The following CNTFR variants were observed in gnomAD, a reference collection of about 807,000 sequenced individuals.
CNTFR encodes ciliary neurotrophic factor receptor, also known as ciliary neurotrophic factor receptor subunit alpha.
Under a neutral mutation model 40.4 loss-of-function variants are expected in CNTFR, and 12 were observed. The ratio of observed to expected loss-of-function variants is 0.30; its 90% CI spans 0.19 to 0.48. CNTFR has a LOEUF of 0.48. CNTFR is among the 20% of genes least tolerant of loss of function. The pLI, the probability that CNTFR is intolerant of heterozygous loss-of-function variation, is 0.99. For missense variants in CNTFR, 414 were observed against 506.8 expected, an observed-to-expected ratio of 0.82 and a Z score of 1.76; for synonymous variants, 202 against 209.6, an observed-to-expected ratio of 0.96 and a Z score of 0.31.
In CNTFR at chr9:34,576,985, C is replaced by A. The variant is rs187122259; in HGVS notation, c.-1+4110G>T. 7.9e-4 allele frequency among the ~76,000 whole-genome samples: 120 copies of A among 152,344 alleles called. 1 individual carries two copies. Among genetic ancestry groups the A allele is most frequent in the Admixed American group, 2.9e-3 (45 of 15,304 alleles). On this transcript the variant is annotated intron_variant, in intron 2 of 9. Coordinates refer to ENST00000378980, the MANE Select transcript of CNTFR (RefSeq NM_147164.3). ...ACCTCCACTCCAGCCCCCCAGCCCCCACCAAAGCCCTGGCATCACTGTCAG... is the reference window on the plus strand; with the variant it reads ...ACCTCCACTCCAGCCCCCCAGCCCCAACCAAAGCCCTGGCATCACTGTCAG...
rs768546763 is a variant in CNTFR at position 34,552,794 on chromosome 9, T to C, written c.829A>G (p.Ile277Val). ...ITDAYAGKEYIIQVAAKDNEI... is the reference protein window; with the variant it reads ...ITDAYAGKEYVIQVAAKDNEI... ...TTGTCCTTGGCTGCCACCTGGATAA[T>C]GTACTCCTTCCCGGCGTAGGCATCT... is the stretch of plus-strand genomic sequence containing the variant. The change falls in exon 8 of 10, where the codon ATT becomes GTT. Residue 277 changes from isoleucine (I) to valine (V), a missense_variant. By Grantham distance (29) the Ile-to-Val change is conservative. Around this residue, in one of 3 missense-constraint regions of CNTFR, gnomAD observed 83 missense variants for 145.0 expected, o/e 0.57. Coordinates refer to ENST00000378980, the MANE Select transcript of CNTFR (RefSeq NM_147164.3). This position sits in a 1 kb window ranked among gnomAD's most constrained non-coding sequence, Gnocchi z 5.1. The C allele has an allele frequency of 2.5e-6, 4 of 1,613,682 alleles. No individual in the cohort carries two copies. The highest frequency in any genetic ancestry group is 2.7e-5 in the African/African-American group (2 of 74,924).
chr9:34,552,993 G>A lies in CNTFR; in HGVS notation c.769-139C>T. 2 of 723,542 alleles carry A rather than the reference G, an allele frequency of 2.8e-6. No homozygotes were observed. The highest frequency in any genetic ancestry group is 4.6e-6 in the Non-Finnish European group (2 of 437,800). 44.8% of individuals were successfully genotyped at this position (723,542 alleles called of 1,614,324 possible). A position where few individuals can be genotyped will look rare whatever the true frequency, so the allele number is the denominator to read the frequency against. On this transcript the variant is annotated intron_variant, in intron 7 of 9. Coordinates refer to ENST00000378980, the MANE Select transcript of CNTFR (RefSeq NM_147164.3). This position sits in a 1 kb window ranked among gnomAD's most constrained non-coding sequence, Gnocchi z 5.1. Reference sequence around the variant, plus strand: ...GCAGTGAGGACTTCCCTGAGGAGAAGGAGGACATGGAGAATATTCTTGCCA... The same window carrying A: ...GCAGTGAGGACTTCCCTGAGGAGAAAGAGGACATGGAGAATATTCTTGCCA...
At position 34,572,450 on chromosome 9, in the gene CNTFR, A is replaced by G. The variant is rs138061556; in HGVS notation, c.1-3469T>C. On this transcript the variant is annotated intron_variant, in intron 2 of 9. Transcript: ENST00000378980. ...TAAGGGCTCTGCAAATTAGCCCAGG[A>G]TTCCTCTCAGCCCCTCAAAGAGGTC... 2.2e-3 allele frequency among the ~76,000 whole-genome samples: 328 copies of G among 152,260 alleles called. 2 individuals carry two copies. The highest frequency in any genetic ancestry group is 7.2e-3 in the African/African-American group (300 of 41,544).
At chr9:34,581,570 G>A (rs1827286809) in intron 1 of CNTFR, among the ~76,000 whole-genome samples, 1 of 152,234 alleles carries the variant, frequency 6.6e-6, no homozygotes, top group East Asian at 1.9e-4. Flanking sequence ...CAGGCACGGT[G>A]TAAATAACCA....
intron 3 of CNTFR, among the ~76,000 whole-genome samples, chr9:34,565,573 G>C (rs796412750): frequency 3.3e-5 from 5 of 152,166 alleles, no homozygotes; most frequent in South Asian, 2.1e-4. Flanking sequence ...TGGGGGCTTG[G>C]GGGGTGCGGT....
chr9:34,562,513 C>T (rs1306441813), intron 4 of CNTFR, among the ~76,000 whole-genome samples: 2 of 152,160 alleles, frequency 1.3e-5, no homozygotes, highest in Admixed American at 6.5e-5. Context: ...GGTGGGTCAG[C>T]GTTTTTGTGG....
At chr9:34,586,317 C>A (rs982842602) in intron 1 of CNTFR, among the ~76,000 whole-genome samples, 1 of 152,156 alleles carries the variant, frequency 6.6e-6, no homozygotes, top group Non-Finnish European at 1.5e-5. Context: ...ACACGCACAA[C>A]AAAACATGGT....
At chr9:34,578,272 C>G (rs914314305) in intron 2 of CNTFR, among the ~76,000 whole-genome samples, 3 of 152,086 alleles carry the variant, frequency 2.0e-5, no homozygotes, top group Non-Finnish European at 4.4e-5. Context: ...TGCAAGCGAA[C>G]GAGCAAGCGA....
intron 1 of CNTFR, among the ~76,000 whole-genome samples, chr9:34,588,440 A>G (rs1398250648): frequency 1.3e-5 from 2 of 152,084 alleles, no homozygotes; most frequent in African/African-American, 4.8e-5. Context: ...CACTCGCACC[A>G]CCTCAGTGAC....
rs1564054180 is a variant in CNTFR at position 34,551,635 on chromosome 9, TG to T, written c.*435del. 3 of 322,784 alleles carry T rather than the reference TG, an allele frequency of 9.3e-6. No individual in the cohort carries two copies. The highest frequency in any genetic ancestry group is 8.5e-5 in the South Asian group (3 of 35,318). The allele number at this position is 322,784 out of a possible 1,614,324, so 20.0% of individuals were successfully genotyped here. On this transcript the variant is annotated 3_prime_UTR_variant, in exon 10 of 10. Coordinates refer to ENST00000378980, the MANE Select transcript of CNTFR (RefSeq NM_147164.3). ...GGAGGGGACTGAAAATTGTGGGTGC[TG>T]GGGGGAGGGGGATGGCTGGGCCCCC...
chr9:34,564,893 G>A (rs1826218928), intron 3 of CNTFR, 61 bp from the exon 4 acceptor site: 1 of 1,459,726 alleles, frequency 6.9e-7, no homozygotes, highest in Non-Finnish European at 9.5e-7. Flanking sequence ...AGCACCCGCA[G>A]GCGAGCGTGC....
chr9:34,576,574 C>T (rs1192514510), intron 2 of CNTFR, among the ~76,000 whole-genome samples: 22 of 152,218 alleles, frequency 1.4e-4, no homozygotes, highest in Non-Finnish European at 2.4e-4. Context: ...GGAAATACTT[C>T]GTTGGTCCCT....
At chr9:34,568,780 CAT>C in intron 3 of CNTFR, 115 bp downstream of exon 3, 1 of 881,462 alleles carries the variant, frequency 1.1e-6, no homozygotes, top group Non-Finnish European at 1.8e-6. Flanking sequence ...TCTGGGTGGT[CAT>C]GTGTGACAAT....
In CNTFR at chr9:34,557,481, T is replaced by C. The variant is rs1825894750; in HGVS notation, c.604+45A>G. On this transcript the variant is annotated intron_variant, in intron 6 of 9. Coordinates refer to ENST00000378980, the MANE Select transcript of CNTFR (RefSeq NM_147164.3). This position sits in a 1 kb window ranked among gnomAD's most constrained non-coding sequence, Gnocchi z 4.2. ...CACCAATGGCACACATCCACTTACA[T>C]TCCCACTGGAGTAGGCAGCAGGTCC... is the stretch of plus-strand genomic sequence containing the variant. 2 of 1,600,772 alleles carry C rather than the reference T, an allele frequency of 1.2e-6. No individual in the cohort carries two copies. Among genetic ancestry groups the C allele is most frequent in the Non-Finnish European group, 1.7e-6 (2 of 1,170,538 alleles).
intron 7 of CNTFR, among the ~76,000 whole-genome samples, chr9:34,553,531 G>A (rs1403017693): frequency 6.6e-6 from 1 of 152,234 alleles, no homozygotes; most frequent in Non-Finnish European, 1.5e-5. Flanking sequence ...TGGGTTCCCA[G>A]ATGCCCAAGG....
chr9:34,578,291 G>A (rs1827095911), intron 2 of CNTFR, among the ~76,000 whole-genome samples: 1 of 152,244 alleles, frequency 6.6e-6, no homozygotes, highest in Admixed American at 6.5e-5. Flanking sequence ...GAGCAAGCGA[G>A]CTAGCGGAGG....
chr9:34,560,885 T>A (rs1049516400), intron 4 of CNTFR, among the ~76,000 whole-genome samples: 1 of 152,216 alleles, frequency 6.6e-6, no homozygotes, highest in African/African-American at 2.4e-5. Flanking sequence ...TGTTTTTCCA[T>A]GTCCAGCCCA....
At chr9:34,571,666 G>A (rs544542771) in intron 2 of CNTFR, among the ~76,000 whole-genome samples, 2 of 152,218 alleles carry the variant, frequency 1.3e-5, no homozygotes, top group South Asian at 2.1e-4. Flanking sequence ...TGTAAGGGCC[G>A]GGCCCTGGGC....
intron 4 of CNTFR, among the ~76,000 whole-genome samples, chr9:34,562,787 C>T (rs1826123323): frequency 6.6e-6 from 1 of 152,216 alleles, no homozygotes; most frequent in Admixed American, 6.5e-5. Flanking sequence ...GTACCTCCAG[C>T]TGGGATCTGG....
Sources: gnomAD v4.1 joint callset for allele counts (sites outside exome capture counted in the v4.1 genomes callset) on GRCh38, gnomAD v4.1.1 for gene constraint, gnomAD v4.1.1 regional missense constraint, Gnocchi (gnomAD v3.1) non-coding constraint, MANE v1.5 for transcripts, NCBI Gene and HGNC (gene_info 2026-07-23, HGNC 2026-07-21) for gene names.